ESRRB: variants seen among roughly 807,000 people sequenced by gnomAD.
The protein encoded by ESRRB is steroid hormone receptor ERR2.
In ESRRB, 16 loss-of-function variants were observed where a neutral mutation model predicts 46.0. The observed-to-expected ratio is 0.35, with a 90% CI of 0.24 to 0.53. The LOEUF (loss-of-function observed/expected upper bound fraction) is 0.53, where lower values mean the gene tolerates loss of function less well. Among genes scored for constraint, ESRRB ranks in the 20% least tolerant of loss-of-function variants. ESRRB has a pLI of 0.93. For synonymous variants in ESRRB, 246 were observed against 259.6 expected (o/e 0.95, Z 0.50); for missense variants, 488 against 607.4 (o/e 0.80, Z 2.07).
chr14:76,422,059 G>A (rs947605052), intron 1 of ESRRB, among the ~76,000 whole-genome samples: 2 of 152,142 alleles, frequency 1.3e-5, no homozygotes, highest in Non-Finnish European at 2.9e-5. Context: ...ATAAGTGACA[G>A]TCTTGCCAAG....
intron 1 of ESRRB, among the ~76,000 whole-genome samples, chr14:76,358,036 G>A (rs1018523054): frequency 1.7e-4 from 26 of 152,052 alleles, no homozygotes; most frequent in African/African-American, 6.3e-4. Flanking sequence ...TGCAGGCTGG[G>A]CACGGTGGCT....
chr14:76,318,689 T>A (rs1288570342), intron 1 of ESRRB, among the ~76,000 whole-genome samples: 1 of 152,202 alleles, frequency 6.6e-6, no homozygotes, highest in African/African-American at 2.4e-5. Flanking sequence ...GTCCCTTGAA[T>A]AGTACCTGCT....
At chr14:76,488,070 C>T (rs1890086251) in intron 5 of ESRRB, among the ~76,000 whole-genome samples, 1 of 152,134 alleles carries the variant, frequency 6.6e-6, no homozygotes, top group Non-Finnish European at 1.5e-5. Context: ...AGAAGTCTCA[C>T]CTCTATCCCT....
At chr14:76,317,677 C>T (rs570149804) in intron 1 of ESRRB, among the ~76,000 whole-genome samples, 2 of 152,262 alleles carry the variant, frequency 1.3e-5, no homozygotes, top group African/African-American at 4.8e-5. Context: ...GAAGGATGGC[C>T]CAGTGTGCTG....
intron 1 of ESRRB, among the ~76,000 whole-genome samples, chr14:76,317,310 CTGTGTGTG>C (rs4024313): frequency 0.012 from 1,656 of 134,510 alleles, 36 homozygotes; most frequent in African/African-American, 0.039. Context: ...TGATTAGGCT[CTGTGTGTG>C]TGTGTGTGTG....
At chr14:76,338,295 G>A (rs11625153) in intron 1 of ESRRB, among the ~76,000 whole-genome samples, 50,115 of 152,162 alleles carry the variant, frequency 0.33, 8,998 homozygotes, top group Middle Eastern at 0.44. Flanking sequence ...TGGGCATGGA[G>A]CGAGCACCCA....
chr14:76,465,872 T>C (rs1166825755), intron 3 of ESRRB, among the ~76,000 whole-genome samples: 1 of 152,206 alleles, frequency 6.6e-6, no homozygotes, highest in East Asian at 1.9e-4. Context: ...GAGCCACGTT[T>C]AGTTTCTGTC....
rs59369846 is a variant in ESRRB at position 76,493,330 on chromosome 14, T to C, written c.1120+1614T>C. On this transcript the variant is annotated intron_variant, in intron 6 of 6. Coordinates refer to ENST00000644823, the MANE Select transcript of ESRRB (RefSeq NM_001379180.1). ...CCGCCACACTCAGCTAATTTTTGTA[T>C]TTTTAGTAGAGACGGGGTTTCGCTA... Among the ~76,000 whole-genome samples the C allele has an allele frequency of 1.8e-3, 281 of 152,152 alleles. 3 individuals carry two copies. Among genetic ancestry groups the C allele is most frequent in the African/African-American group, 6.6e-3 (272 of 41,520 alleles).
At chr14:76,422,297 G>A (rs150572482) in intron 1 of ESRRB, among the ~76,000 whole-genome samples, 1,680 of 138,204 alleles carry the variant, frequency 0.012, 29 homozygotes, top group African/African-American at 0.038. Flanking sequence ...TGCAACCTCC[G>A]CCTCCCGGGT....
At chr14:76,489,312 A>T (rs1890129209) in intron 5 of ESRRB, among the ~76,000 whole-genome samples, 2 of 151,904 alleles carry the variant, frequency 1.3e-5, no homozygotes, top group African/African-American at 4.8e-5. Flanking sequence ...AATGTTGCCC[A>T]AGGCCTCTCT....
At chr14:76,322,545 T>C (rs1394318846) in intron 1 of ESRRB, among the ~76,000 whole-genome samples, 1 of 152,194 alleles carries the variant, frequency 6.6e-6, no homozygotes, top group African/African-American at 2.4e-5. Context: ...TCCATTGTGT[T>C]TCACATCTTG....
chr14:76,428,643 T>C (rs1285125343), intron 1 of ESRRB, among the ~76,000 whole-genome samples: 1 of 152,096 alleles, frequency 6.6e-6, no homozygotes, highest in African/African-American at 2.4e-5. Flanking sequence ...CCTGAGCTCA[T>C]GTGTGCTGGG....
At chr14:76,341,950 A>G (rs1431612773) in intron 1 of ESRRB, among the ~76,000 whole-genome samples, 1 of 152,216 alleles carries the variant, frequency 6.6e-6, no homozygotes, top group Non-Finnish European at 1.5e-5. Flanking sequence ...GTACTCTGGC[A>G]AGAGTCCACA....
At chr14:76,360,435 C>G (rs183133579) in intron 1 of ESRRB, among the ~76,000 whole-genome samples, 25 of 152,102 alleles carry the variant, frequency 1.6e-4, no homozygotes, top group Admixed American at 7.2e-4. Context: ...GAGACAGAGA[C>G]AGAGAGACAG....
Position 76,439,373 on chromosome 14 carries a change from A to C in ESRRB, c.83A>C (p.His28Pro), listed in dbSNP as rs1595118847. 1 of 1,613,574 alleles carries C rather than the reference A, an allele frequency of 6.2e-7. No homozygotes were observed. Among genetic ancestry groups the C allele is most frequent in the Non-Finnish European group, 8.5e-7 (1 of 1,180,012 alleles). The change falls in exon 2 of 7, where the codon CAC (histidine) becomes CCC (proline). Residue 28 changes from histidine to proline, a missense_variant. His to Pro is a moderately conservative substitution (Grantham distance 77). Coordinates refer to ENST00000644823, the MANE Select transcript of ESRRB (RefSeq NM_001379180.1). ...LLNRMSSDDR[H>P]LGSSCGSFIK... is the part of the protein sequence containing the mutation. ...AACAGGATGTCCTCGGACGACAGGC[A>C]CCTGGGCTCCAGCTGCGGCTCCTTC...
chr14:76,465,632 C>T (rs1889074329), intron 3 of ESRRB, among the ~76,000 whole-genome samples: 1 of 152,178 alleles, frequency 6.6e-6, no homozygotes, highest in Non-Finnish European at 1.5e-5. Flanking sequence ...TGTTGACACC[C>T]CTGCCCCGCT....
intron 1 of ESRRB, among the ~76,000 whole-genome samples, chr14:76,341,152 G>A (rs1461819837): frequency 6.6e-6 from 1 of 152,150 alleles, no homozygotes; most frequent in Admixed American, 6.5e-5. Flanking sequence ...CATGGACTGA[G>A]TCTCCTCCCT....
chr14:76,499,855 G>A lies in ESRRB; in HGVS notation c.*1397G>A, dbSNP rs1385688339. 4 of 1,613,626 alleles carry A rather than the reference G, an allele frequency of 2.5e-6. No individual in the cohort carries two copies. Among genetic ancestry groups the A allele is most frequent in the African/African-American group, 1.3e-5 (1 of 74,932 alleles). On this transcript the variant is annotated 3_prime_UTR_variant, in exon 7 of 7. Coordinates refer to ENST00000644823, the MANE Select transcript of ESRRB (RefSeq NM_001379180.1). Reference sequence around the variant, plus strand: ...GGGGCAGCCCTGAACACCCATTTGTGCTCACAGGTTGGCCAAGAGCAGCTT... The same window carrying A: ...GGGGCAGCCCTGAACACCCATTTGTACTCACAGGTTGGCCAAGAGCAGCTT...
rs1884763708 is a variant in ESRRB at position 76,376,298 on chromosome 14, T to A, written c.-104T>A. The stretch of plus-strand genomic sequence containing the variant: ...TCCCACTCTGCGTTCTCGCGCTCAC[T>A]GTGCCCTGCCCGGGCTCGCACCTTG... On this transcript the variant is annotated 5_prime_UTR_variant, in exon 1 of 7. Transcript: ENST00000644823. This position sits in a 1 kb window ranked among gnomAD's most constrained non-coding sequence, Gnocchi z 4.1. 1 of 914,680 alleles carries A rather than the reference T, an allele frequency of 1.1e-6. No individual in the cohort carries two copies. The highest frequency in any genetic ancestry group is 1.7e-5 in the African/African-American group (1 of 58,322). 56.7% of individuals were successfully genotyped at this position (914,680 alleles called of 1,614,324 possible). A position where few individuals can be genotyped will look rare whatever the true frequency, so the allele number is the denominator to read the frequency against.
Sources: gnomAD v4.1 joint callset for allele counts (sites outside exome capture counted in the v4.1 genomes callset) on GRCh38, gnomAD v4.1.1 for gene constraint, Gnocchi (gnomAD v3.1) non-coding constraint, MANE v1.5 for transcripts, NCBI Gene and HGNC (gene_info 2026-07-23, HGNC 2026-07-21) for gene names.